The following TRPS1 variants were observed in gnomAD, a reference collection of about 807,000 sequenced individuals.
The protein encoded by TRPS1 is zinc finger transcription factor Trps1.
A neutral mutation model predicts 101.2 loss-of-function variants in TRPS1; 6 were observed. That is an observed-to-expected ratio of 0.06 (90% confidence interval 0.03 to 0.12). TRPS1 has a LOEUF of 0.12. TRPS1 is among the 10% of genes least tolerant of loss of function. The pLI is 1.00. For missense variants in TRPS1, 1,363 were observed against 1,567.0 expected (o/e 0.87, Z 2.20); for synonymous variants, 578 against 589.8 (o/e 0.98, Z 0.29).
intron 5 of TRPS1, among the ~76,000 whole-genome samples, chr8:115,571,183 G>A (rs1204764653): frequency 6.6e-6 from 1 of 152,094 alleles, no homozygotes; most frequent in Non-Finnish European, 1.5e-5. Context: ...AACTTAAAAG[G>A]TTTGTTTAAA....
intron 1 of TRPS1, among the ~76,000 whole-genome samples, chr8:115,645,073 G>A (rs975257402): frequency 7.2e-5 from 11 of 152,036 alleles, no homozygotes; most frequent in Non-Finnish European, 1.6e-4. Context: ...GTGACAAAGA[G>A]ACATAAGGTA....
chr8:115,429,718 C>T (rs1586265422), intron 5 of TRPS1, among the ~76,000 whole-genome samples: 1 of 152,148 alleles, frequency 6.6e-6, no homozygotes, highest in African/African-American at 2.4e-5. Flanking sequence ...GAGAAGGGCT[C>T]TGAAAATATA....
chr8:115,507,710 A>T (rs534715134), intron 5 of TRPS1, among the ~76,000 whole-genome samples: 4 of 152,158 alleles, frequency 2.6e-5, no homozygotes, highest in Non-Finnish European at 4.4e-5. Context: ...AATACATGCC[A>T]GTCCTAATTT....
intron 5 of TRPS1, among the ~76,000 whole-genome samples, chr8:115,433,851 C>G (rs544990370): frequency 6.6e-6 from 1 of 152,036 alleles, no homozygotes; most frequent in Admixed American, 6.6e-5. Context: ...AGGCATTTGC[C>G]GGGGAAAAAT....
At chr8:115,642,842 G>GAAAAA (rs55943562) in intron 1 of TRPS1, among the ~76,000 whole-genome samples, 3,218 of 143,034 alleles carry the variant, frequency 0.022, 126 homozygotes, top group African/African-American at 0.075. Flanking sequence ...CTTACTTCGT[G>GAAAAA]AAAAAAAATA....
At chr8:115,431,366 A>G (rs570942657) in intron 5 of TRPS1, among the ~76,000 whole-genome samples, 1 of 152,194 alleles carries the variant, frequency 6.6e-6, no homozygotes, top group African/African-American at 2.4e-5. Flanking sequence ...TTTTTACAAC[A>G]TGAGAAAATG....
intron 5 of TRPS1, among the ~76,000 whole-genome samples, chr8:115,542,140 A>G (rs1346645093): frequency 6.6e-6 from 1 of 152,144 alleles, no homozygotes; most frequent in Non-Finnish European, 1.5e-5. Flanking sequence ...GCAATTTACT[A>G]TTTGCAGTGT....
At chr8:115,573,404 A>G (rs1817248961) in intron 5 of TRPS1, among the ~76,000 whole-genome samples, 1 of 152,190 alleles carries the variant, frequency 6.6e-6, no homozygotes, top group Non-Finnish European at 1.5e-5. Context: ...GTCTCCTTTC[A>G]GTCATCAAAA....
intron 5 of TRPS1, among the ~76,000 whole-genome samples, chr8:115,545,890 G>A (rs905051976): frequency 6.6e-6 from 1 of 152,072 alleles, no homozygotes; most frequent in Non-Finnish European, 1.5e-5. Context: ...TGCACACTTT[G>A]CAACTTATTT....
intron 5 of TRPS1, among the ~76,000 whole-genome samples, chr8:115,517,412 C>T (rs1416874239): frequency 6.6e-6 from 1 of 151,282 alleles, no homozygotes; most frequent in East Asian, 1.9e-4. Context: ...GAACTTATTC[C>T]TCATGCAATT....
intron 1 of TRPS1, among the ~76,000 whole-genome samples, chr8:115,653,029 A>G (rs1288272549): frequency 6.6e-6 from 1 of 152,184 alleles, no homozygotes; most frequent in Non-Finnish European, 1.5e-5. Flanking sequence ...CCTGTTATAA[A>G]AACCAACAAA....
chr8:115,535,200 T>C (rs1586375332), intron 5 of TRPS1, among the ~76,000 whole-genome samples: 1 of 144,138 alleles, frequency 6.9e-6, no homozygotes, highest in Non-Finnish European at 1.5e-5. Context: ...AGCATATATA[T>C]AGCATATGTA....
rs1812827156 is a variant in TRPS1, at chr8:115,413,105, A to G, written c.*918T>C. The G allele has an allele frequency of 2.0e-5, 3 of 152,218 alleles. No individual in the cohort carries two copies. Among genetic ancestry groups the G allele is most frequent in the African/African-American group, 4.8e-5 (2 of 41,428 alleles). 9.4% of individuals were successfully genotyped at this position (152,218 alleles called of 1,614,324 possible). On this transcript the variant is annotated 3_prime_UTR_variant, in exon 7 of 7. Coordinates refer to ENST00000395715, the MANE Select transcript of TRPS1 (RefSeq NM_014112.5). ...CACGGTCTGACATTTGTATCCATCT[A>G]TGCTTTTGAATTGAGGGGATTCCTT...
intron 4 of TRPS1, among the ~76,000 whole-genome samples, chr8:115,588,256 A>T (rs3802222): frequency 0.29 from 44,350 of 152,140 alleles, 7,637 homozygotes; most frequent in Middle Eastern, 0.49. Context: ...TCTATCATCA[A>T]ATTTAAATCC....
chr8:115,486,757 G>A (rs180792403), intron 5 of TRPS1, among the ~76,000 whole-genome samples: 2 of 152,184 alleles, frequency 1.3e-5, no homozygotes, highest in Admixed American at 6.5e-5. Flanking sequence ...GTCTGAGAGA[G>A]GTGAGGAAGC....
intron 5 of TRPS1, among the ~76,000 whole-genome samples, chr8:115,428,849 A>G (rs1446920666): frequency 6.6e-6 from 1 of 152,198 alleles, no homozygotes; most frequent in African/African-American, 2.4e-5. Flanking sequence ...GGGTAAAATC[A>G]TAGGTATTTA....
chr8:115,533,436 G>GTTTTTTTTTTTTTGTTTTTTTT (rs1816189208), intron 5 of TRPS1, among the ~76,000 whole-genome samples: 1 of 34,984 alleles, frequency 2.9e-5, no homozygotes, highest in African/African-American at 1.0e-4. Context: ...CATGTAATCT[G>GTTTTTTTTTTTTTGTTTTTTTT]TTTTTTTTTT....
At chr8:115,457,816 G>A (rs1814066714) in intron 5 of TRPS1, among the ~76,000 whole-genome samples, 1 of 152,192 alleles carries the variant, frequency 6.6e-6, no homozygotes, top group Admixed American at 6.5e-5. Context: ...GGGCACCTAG[G>A]TGGGTGGGCA....
chr8:115,621,043 A>T (rs113665268), intron 2 of TRPS1, among the ~76,000 whole-genome samples: 18 of 152,374 alleles, frequency 1.2e-4, no homozygotes, highest in African/African-American at 4.3e-4. Context: ...AAGTTAAGTT[A>T]GTGACATCAG....
Sources: allele counts gnomAD v4.1 joint callset (sites outside exome capture counted in the v4.1 genomes callset), GRCh38; gene constraint gnomAD v4.1.1; transcripts MANE v1.5; gene names NCBI Gene and HGNC (gene_info 2026-07-23, HGNC 2026-07-21).